Variants in USP32 observed in about 807,000 individuals in gnomAD.
USP32 encodes ubiquitin specific peptidase 32.
USP32 carries 59 observed loss-of-function variants against 204.8 expected under a neutral mutation model. The ratio of observed to expected loss-of-function variants is 0.29; its 90% CI spans 0.23 to 0.36. The LOEUF (loss-of-function observed/expected upper bound fraction) is 0.36, where lower values mean the gene tolerates loss of function less well. Ranked by LOEUF, USP32 falls within the 10% of genes least tolerant of loss-of-function variation. USP32 has a pLI of 1.00. For missense variants in USP32, 1,160 were observed against 1,946.4 expected (o/e 0.60, Z 7.60); for synonymous variants, 517 against 678.4 (o/e 0.76, Z 3.70).
intron 13 of USP32, among the ~76,000 whole-genome samples, chr17:60,225,659 C>T (rs2085363058): frequency 1.3e-5 from 2 of 151,518 alleles, no homozygotes; most frequent in Admixed American, 1.3e-4. Context: ...GCCTTAATAA[C>T]TATCCATGGG....
rs1359414600 is a variant in USP32 at position 60,178,342 on chromosome 17, G to A, written c.*913C>T. 1.3e-5 allele frequency among the ~76,000 whole-genome samples: 2 copies of A among 152,198 alleles called. No individual in the cohort carries two copies. Reference sequence around the variant, plus strand: ...TTGTGAAACGTGATCTAGCTCCAATGCCACTTACCTTCCCAGAAGCTCTTG... The same window carrying A: ...TTGTGAAACGTGATCTAGCTCCAATACCACTTACCTTCCCAGAAGCTCTTG... On this transcript the variant is annotated 3_prime_UTR_variant, in exon 34 of 34. Transcript: ENST00000300896.
chr17:60,398,431 AC>A (rs2089914007), intron 1 of USP32, among the ~76,000 whole-genome samples: 1 of 151,896 alleles, frequency 6.6e-6, no homozygotes, highest in African/African-American at 2.4e-5. Context: ...TGTTTTGGCA[AC>A]CCTGTTTAGT....
chr17:60,198,130 G>T, intron 27 of USP32, 130 bp downstream of exon 27: 1 of 1,212,088 alleles, frequency 8.3e-7, no homozygotes, highest in Non-Finnish European at 1.1e-6. Flanking sequence ...TGAATTGTAT[G>T]CTGTCTGAGT....
At chr17:60,287,785 A>G (rs1264409567) in intron 5 of USP32, among the ~76,000 whole-genome samples, 2 of 152,080 alleles carry the variant, frequency 1.3e-5, no homozygotes, top group East Asian at 3.9e-4. Context: ...ATTTCTTTTT[A>G]TTACATTTTG....
rs774373761 is a variant in USP32 at position 60,226,025 on chromosome 17, T to C, written c.1432+14A>G. On this transcript the variant is annotated intron_variant, in intron 13 of 33. Coordinates refer to ENST00000300896, the MANE Select transcript of USP32 (RefSeq NM_032582.4). ...AATAAACCAATAAACCTCAGGGGAA[T>C]AGGTCATATTTACCGCTGCCAGCAG... 7.0e-6 allele frequency: 11 copies of C among 1,580,238 alleles called. No individual in the cohort carries two copies. The highest frequency in any genetic ancestry group is 4.2e-5 in the African/African-American group (3 of 72,232).
chr17:60,281,169 A>C (rs1474897229), intron 5 of USP32, among the ~76,000 whole-genome samples: 1 of 152,262 alleles, frequency 6.6e-6, no homozygotes, highest in Non-Finnish European at 1.5e-5. Flanking sequence ...TATTCTCTGA[A>C]GACAGAGGGG....
Position 60,352,698 on chromosome 17 carries a change from C to T in USP32, c.59-7090G>A, listed in dbSNP as rs920021212. Among the ~76,000 whole-genome samples, 9 of 152,282 alleles carry T rather than the reference C, an allele frequency of 5.9e-5. No individual in the cohort carries two copies. In the South Asian group the frequency reaches 1.9e-3, roughly 32 times the overall value. On this transcript the variant is annotated intron_variant, in intron 1 of 33. Coordinates refer to ENST00000300896, the MANE Select transcript of USP32 (RefSeq NM_032582.4). ...AAAGGTCAGAATGGAGGTATAAAGACCAGTTGAGCGGTTACTGCATTTGTT... is the reference window on the plus strand; with the variant it reads ...AAAGGTCAGAATGGAGGTATAAAGATCAGTTGAGCGGTTACTGCATTTGTT...
At chr17:60,403,621 C>G (rs2143028735) in intron 1 of USP32, among the ~76,000 whole-genome samples, 2 of 152,266 alleles carry the variant, frequency 1.3e-5, no homozygotes, top group South Asian at 4.2e-4. Context: ...TGAACACCTG[C>G]TCTTAGTTAG....
At chr17:60,203,332 C>T (rs1377017516) in intron 26 of USP32, among the ~76,000 whole-genome samples, 25 of 133,714 alleles carry the variant, frequency 1.9e-4, no homozygotes, top group Middle Eastern at 4.4e-3. Context: ...ACCCAGGAGG[C>T]GGAGGCTGCA....
At chr17:60,390,472 T>C (rs1183697963) in intron 1 of USP32, among the ~76,000 whole-genome samples, 1 of 152,214 alleles carries the variant, frequency 6.6e-6, no homozygotes, top group Non-Finnish European at 1.5e-5. Flanking sequence ...ATTTCTCATA[T>C]TGGGGCAGAC....
At chr17:60,395,272 G>A (rs2089893601), upstream of USP32, among the ~76,000 whole-genome samples, 1 of 152,082 alleles carries the variant, frequency 6.6e-6, no homozygotes, top group East Asian at 1.9e-4. Context: ...CATCCCCTAA[G>A]GTCATAAAAA....
At chr17:60,408,097 C>CAAAAAG (rs2089992629) in intron 1 of USP32, among the ~76,000 whole-genome samples, 2 of 150,932 alleles carry the variant, frequency 1.3e-5, no homozygotes, top group African/African-American at 4.9e-5. Context: ...GACTCCATCT[C>CAAAAAG]AAAAAGAAAA....
intron 7 of USP32, among the ~76,000 whole-genome samples, chr17:60,267,957 C>G (rs942593169): frequency 6.6e-6 from 1 of 152,052 alleles, no homozygotes; most frequent in Non-Finnish European, 1.5e-5. Context: ...ATTACAGATG[C>G]CTGCCACTGC....
intron 4 of USP32, among the ~76,000 whole-genome samples, chr17:60,292,247 A>G (rs1032054333): frequency 6.6e-6 from 1 of 152,110 alleles, no homozygotes; most frequent in Admixed American, 6.5e-5. Context: ...AACTCTAAAC[A>G]CTGGATGACA....
At chr17:60,320,877 T>C (rs2088096375) in intron 2 of USP32, among the ~76,000 whole-genome samples, 1 of 152,196 alleles carries the variant, frequency 6.6e-6, no homozygotes, top group African/African-American at 2.4e-5. Flanking sequence ...CCTGGAGATC[T>C]TTGAAGCCAT....
intron 1 of USP32, among the ~76,000 whole-genome samples, chr17:60,361,057 A>C (rs1295845239): frequency 6.6e-6 from 1 of 152,126 alleles, no homozygotes; most frequent in Admixed American, 6.6e-5. Flanking sequence ...TGAACCTGAG[A>C]GGCGGAGATT....
intron 1 of USP32, among the ~76,000 whole-genome samples, chr17:60,417,560 T>C (rs1281011203): frequency 6.6e-6 from 1 of 151,398 alleles, no homozygotes; most frequent in African/African-American, 2.4e-5. Context: ...TTCAAGCGTT[T>C]CTCCTGCCTC....
intron 1 of USP32, among the ~76,000 whole-genome samples, chr17:60,410,669 A>G (rs1389736116): frequency 6.6e-6 from 1 of 152,228 alleles, no homozygotes; most frequent in Non-Finnish European, 1.5e-5. Flanking sequence ...CACTGTCTCA[A>G]AAAATAAATA....
intron 11 of USP32, among the ~76,000 whole-genome samples, chr17:60,243,556 A>G (rs2085933009): frequency 6.6e-6 from 1 of 152,238 alleles, no homozygotes; most frequent in African/African-American, 2.4e-5. Context: ...ACTGTGCTCT[A>G]GTAAAATGTT....
Sources: gnomAD v4.1 joint callset for allele counts (sites outside exome capture counted in the v4.1 genomes callset) on GRCh38, gnomAD v4.1.1 for gene constraint, MANE v1.5 for transcripts, NCBI Gene and HGNC (gene_info 2026-07-23, HGNC 2026-07-21) for gene names.